The following DSCAM variants were observed in gnomAD, a reference collection of about 807,000 sequenced individuals.
DSCAM encodes cell adhesion molecule DSCAM.
A neutral mutation model predicts 217.7 loss-of-function variants in DSCAM; 47 were observed. The observed-to-expected ratio is 0.22, with a 90% CI of 0.17 to 0.28. DSCAM has a LOEUF of 0.28. Among genes scored for constraint, DSCAM ranks in the 10% least tolerant of loss-of-function variants. The pLI, the probability that DSCAM is intolerant of heterozygous loss-of-function variation, is 1.00. For missense variants in DSCAM, 2,080 were observed against 2,618.3 expected (o/e 0.79, Z 4.49); for synonymous variants, 1,056 against 1,015.3 (o/e 1.04, Z -0.76).
At chr21:40,043,578 T>C (rs531582877) in intron 31 of DSCAM, among the ~76,000 whole-genome samples, 2 of 152,322 alleles carry the variant, frequency 1.3e-5, no homozygotes, top group South Asian at 2.1e-4. Flanking sequence ...AACTTGGTGG[T>C]TGATGGCATA....
At chr21:40,553,884 T>G (rs759828346) in intron 3 of DSCAM, among the ~76,000 whole-genome samples, 2 of 152,158 alleles carry the variant, frequency 1.3e-5, no homozygotes, top group African/African-American at 2.4e-5. Flanking sequence ...ATTTATCATA[T>G]GACAAAACTG....
intron 26 of DSCAM, 85 bp from the exon 27 acceptor site, chr21:40,075,298 G>C: frequency 6.9e-7 from 1 of 1,454,396 alleles, no homozygotes; most frequent in South Asian, 1.3e-5. Context: ...TAAAAATCGC[G>C]CTGTGTGATC....
At chr21:40,423,833 G>T (rs1359541661) in intron 3 of DSCAM, among the ~76,000 whole-genome samples, 1 of 150,458 alleles carries the variant, frequency 6.6e-6, no homozygotes, top group Non-Finnish European at 1.5e-5. Flanking sequence ...GCATTTCATA[G>T]ATGTTCCTGC....
intron 1 of DSCAM, among the ~76,000 whole-genome samples, chr21:40,738,782 T>C (rs542097965): frequency 3.9e-4 from 59 of 152,264 alleles, no homozygotes; most frequent in Non-Finnish European, 7.2e-4. Flanking sequence ...AGAAGCAAAG[T>C]CCTAGAACCA....
At chr21:40,574,584 C>A (rs1331024197) in intron 3 of DSCAM, among the ~76,000 whole-genome samples, 1 of 152,174 alleles carries the variant, frequency 6.6e-6, no homozygotes, top group Non-Finnish European at 1.5e-5. Flanking sequence ...TCACTCATCA[C>A]TTTTAGTCAC....
intron 5 of DSCAM, among the ~76,000 whole-genome samples, chr21:40,350,477 A>G (rs1419475959): frequency 1.3e-5 from 2 of 151,932 alleles, no homozygotes; most frequent in East Asian, 1.9e-4. Context: ...AAAGTGGGTG[A>G]AAAAAAAGCT....
intron 1 of DSCAM, among the ~76,000 whole-genome samples, chr21:40,738,268 T>C (rs2091084652): frequency 6.6e-6 from 1 of 152,226 alleles, no homozygotes; most frequent in African/African-American, 2.4e-5. Context: ...AGGTTGCAGG[T>C]AGACCATGCC....
chr21:40,291,646 T>G (rs2073893649), intron 10 of DSCAM, among the ~76,000 whole-genome samples: 1 of 152,194 alleles, frequency 6.6e-6, no homozygotes, highest in Non-Finnish European at 1.5e-5. Flanking sequence ...CCGGTCTCCC[T>G]CGGAGGACAG....
intron 4 of DSCAM, 68 bp downstream of exon 4, chr21:40,369,031 T>A: frequency 7.0e-7 from 1 of 1,429,548 alleles, no homozygotes; most frequent in Non-Finnish European, 9.2e-7. Context: ...ACAATTTTGA[T>A]TGAGTCGTCT....
chr21:40,096,889 C>A (rs1041530163), intron 20 of DSCAM, among the ~76,000 whole-genome samples: 1 of 152,084 alleles, frequency 6.6e-6, no homozygotes, highest in Non-Finnish European at 1.5e-5. Flanking sequence ...GGAATGATTT[C>A]TTTCAAGTAC....
intron 3 of DSCAM, among the ~76,000 whole-genome samples, chr21:40,521,296 T>C (rs560135736): frequency 1.1e-4 from 17 of 152,342 alleles, no homozygotes; most frequent in East Asian, 3.9e-4. Context: ...CTGGATCATA[T>C]GGTAGGTCCA....
intron 11 of DSCAM, among the ~76,000 whole-genome samples, chr21:40,218,353 A>G (rs1217450562): frequency 6.6e-6 from 1 of 152,174 alleles, no homozygotes; most frequent in East Asian, 1.9e-4. Flanking sequence ...TTGGACGATG[A>G]GCCTGTTTTT....
chr21:40,367,190 C>CT (rs1911020058), intron 4 of DSCAM, among the ~76,000 whole-genome samples: 1 of 152,162 alleles, frequency 6.6e-6, no homozygotes, highest in Non-Finnish European at 1.5e-5. Flanking sequence ...TGTGAGGACT[C>CT]TAAGACACAA....
rs533489545 is a variant in DSCAM at position 40,219,609 on chromosome 21, CA to C, written c.2357-30372del. On this transcript the variant is annotated intron_variant, in intron 11 of 32. Coordinates refer to ENST00000400454, the MANE Select transcript of DSCAM (RefSeq NM_001389.5). ...ATAATTAAGGGTGAAATTAATGAGT[CA>C]AAAGACATTAACTGTCTTTGGCTTT... is the stretch of plus-strand genomic sequence containing the variant. 4.3e-3 allele frequency among the ~76,000 whole-genome samples: 649 copies of C among 152,212 alleles called. 4 individuals carry two copies. Among genetic ancestry groups the C allele is most frequent in the African/African-American group, 0.015 (640 of 41,542 alleles).
chr21:40,589,004 A>G (rs1258216824), intron 3 of DSCAM, among the ~76,000 whole-genome samples: 2 of 152,232 alleles, frequency 1.3e-5, no homozygotes, highest in Non-Finnish European at 2.9e-5. Context: ...GAAAAAAAGT[A>G]GACTGGGGCA....
intron 3 of DSCAM, among the ~76,000 whole-genome samples, chr21:40,401,400 T>TG (rs2075232337): frequency 6.6e-6 from 1 of 151,722 alleles, no homozygotes; most frequent in African/African-American, 2.4e-5. Context: ...AAATTGGATT[T>TG]TTTTTTCTGT....
At chr21:40,741,348 CAT>C (rs985962972) in intron 1 of DSCAM, among the ~76,000 whole-genome samples, 3 of 152,190 alleles carry the variant, frequency 2.0e-5, no homozygotes, top group South Asian at 2.1e-4. Flanking sequence ...TTCATATTCA[CAT>C]GTTAATAAAA....
intron 1 of DSCAM, among the ~76,000 whole-genome samples, chr21:40,779,032 GAAAAAAAAAA>G (rs772208075): frequency 1.5e-4 from 7 of 45,536 alleles, no homozygotes; most frequent in African/African-American, 3.4e-4. Flanking sequence ...CTCAAAAACA[GAAAAAAAAAA>G]AAAAAAAAAA....
intron 1 of DSCAM, among the ~76,000 whole-genome samples, chr21:40,841,320 T>C (rs1476226545): frequency 6.6e-6 from 1 of 152,086 alleles, no homozygotes; most frequent in East Asian, 1.9e-4. Context: ...CAGAACGACA[T>C]AGTGGATACT....
Sources: allele counts gnomAD v4.1 joint callset (sites outside exome capture counted in the v4.1 genomes callset), GRCh38; gene constraint gnomAD v4.1.1; transcripts MANE v1.5; gene names NCBI Gene and HGNC (gene_info 2026-07-23, HGNC 2026-07-21).